MTMR12: variants seen among roughly 807,000 people sequenced by gnomAD.
MTMR12 encodes the protein myotubularin-related protein 12.
Under a neutral mutation model 96.7 loss-of-function variants are expected in MTMR12, and 33 were observed. That is an observed-to-expected ratio of 0.34 (90% CI 0.26 to 0.46). The LOEUF is 0.46. Ranked by LOEUF, MTMR12 falls within the 20% of genes least tolerant of loss-of-function variation. MTMR12 has a pLI of 1.00. For synonymous variants in MTMR12, 298 were observed against 327.2 expected (o/e 0.91, Z 0.96); for missense variants, 721 against 896.1 (o/e 0.80, Z 2.49).
chr5:32,298,591 T>C (rs1399455132), intron 1 of MTMR12, among the ~76,000 whole-genome samples: 1 of 152,064 alleles, frequency 6.6e-6, no homozygotes, highest in Non-Finnish European at 1.5e-5. Flanking sequence ...CCATGGTGGG[T>C]ATGGCAGTCC....
intron 13 of MTMR12, 120 bp from the exon 14 acceptor site, chr5:32,235,249 G>A: frequency 1.1e-6 from 1 of 871,214 alleles, no homozygotes; most frequent in Non-Finnish European, 1.7e-6. Context: ...CATTCTCTGG[G>A]AAACACAGAA....
At chr5:32,240,171 C>A (rs1428322910) in intron 12 of MTMR12, among the ~76,000 whole-genome samples, 1 of 152,016 alleles carries the variant, frequency 6.6e-6, no homozygotes, top group South Asian at 2.1e-4. Flanking sequence ...GAGGCCGAGG[C>A]GGGTGGATCA....
At chr5:32,309,714 A>G (rs1751501577) in intron 1 of MTMR12, 2 of 152,258 alleles carry the variant, frequency 1.3e-5, no homozygotes, top group Admixed American at 1.3e-4. Flanking sequence ...AGAGAAGATT[A>G]GCATGGCCCC....
rs370719213 is a variant in MTMR12, at chr5:32,270,781, G to A, written c.489+36C>T. Reference sequence around the variant, plus strand: ...CTAGAGCTAGTGGGGAAAACCTGATGGGAAATAAAACCTAAAAACACATGC... The same window carrying A: ...CTAGAGCTAGTGGGGAAAACCTGATAGGAAATAAAACCTAAAAACACATGC... On this transcript the variant is annotated intron_variant, in intron 5 of 15. Coordinates refer to ENST00000382142, the MANE Select transcript of MTMR12 (RefSeq NM_001040446.3). 32 of 1,569,112 alleles carry A rather than the reference G, an allele frequency of 2.0e-5. No homozygotes were observed. The African/African-American group carries it at 2.5e-4, about 12-fold the overall frequency.
chr5:32,272,710 C>T (rs995316913), intron 3 of MTMR12, among the ~76,000 whole-genome samples: 4 of 152,174 alleles, frequency 2.6e-5, no homozygotes, highest in African/African-American at 7.2e-5. Flanking sequence ...CCCTCCTAGG[C>T]AAACCCACCA....
At chr5:32,239,378 C>T (rs187416976) in intron 12 of MTMR12, among the ~76,000 whole-genome samples, 4 of 152,328 alleles carry the variant, frequency 2.6e-5, no homozygotes, top group Admixed American at 2.6e-4. Context: ...TCTAGCATGT[C>T]TAGTACAGGT....
intron 8 of MTMR12, among the ~76,000 whole-genome samples, chr5:32,251,198 G>C (rs1748908511): frequency 6.6e-6 from 1 of 151,378 alleles, no homozygotes; most frequent in Non-Finnish European, 1.5e-5. Context: ...TGGGACTACA[G>C]GCGCCCGCCA....
At chr5:32,311,176 A>G (rs2052562) in intron 1 of MTMR12, among the ~76,000 whole-genome samples, 57,809 of 152,006 alleles carry the variant, frequency 0.38, 11,100 homozygotes, top group East Asian at 0.51. Flanking sequence ...CATGTATCCC[A>G]TTAAATATAT....
chr5:32,285,013 C>T (rs896860242), intron 1 of MTMR12, among the ~76,000 whole-genome samples: 3 of 152,142 alleles, frequency 2.0e-5, no homozygotes, highest in Admixed American at 2.0e-4. Context: ...GATCACAGCA[C>T]GTCCAGGTTT....
intron 1 of MTMR12, among the ~76,000 whole-genome samples, chr5:32,303,821 C>G (rs1434581069): frequency 9.3e-6 from 1 of 107,324 alleles, no homozygotes; most frequent in Non-Finnish European, 1.7e-5. Flanking sequence ...TCAATGGCTA[C>G]AAACTCACTG....
chr5:32,233,459 CACACACACACACAA>C lies in MTMR12; in HGVS notation c.1674+300_1674+313del, dbSNP rs909737218. 2.0e-5 allele frequency among the ~76,000 whole-genome samples: 3 copies of C among 147,808 alleles called. No homozygotes were observed. Among genetic ancestry groups the C allele is most frequent in the East Asian group, 2.0e-4 (1 of 5,040 alleles). On this transcript the variant is annotated intron_variant, in intron 15 of 15. Coordinates refer to ENST00000382142, the MANE Select transcript of MTMR12 (RefSeq NM_001040446.3). This position sits in a 1 kb window ranked among gnomAD's most constrained non-coding sequence, Gnocchi z 5.0. ...CAATGTTCCTTTTACTCTACTAACA[CACACACACACACAA>C]ACACACACACACACACACACACACA... is the stretch of plus-strand genomic sequence containing the variant.
intron 1 of MTMR12, among the ~76,000 whole-genome samples, chr5:32,298,351 G>A (rs978465013): frequency 6.6e-6 from 1 of 152,180 alleles, no homozygotes; most frequent in African/African-American, 2.4e-5. Context: ...GGGAAAGAAG[G>A]GTGCTGTTGG....
At chr5:32,236,232 A>G (rs1005132920) in intron 13 of MTMR12, among the ~76,000 whole-genome samples, 1 of 152,174 alleles carries the variant, frequency 6.6e-6, no homozygotes, top group African/African-American at 2.4e-5. Context: ...GGTGCCTGCC[A>G]GTCCCCCTTT....
intron 13 of MTMR12, among the ~76,000 whole-genome samples, chr5:32,237,053 A>G (rs1251236758): frequency 6.6e-6 from 1 of 152,192 alleles, no homozygotes; most frequent in Admixed American, 6.5e-5. Context: ...CATCTTGCTC[A>G]GTGAGAGAGA....
intron 1 of MTMR12, among the ~76,000 whole-genome samples, chr5:32,299,100 C>T (rs1323053757): frequency 1.3e-5 from 2 of 152,060 alleles, no homozygotes; most frequent in Non-Finnish European, 2.9e-5. Context: ...CACACACACA[C>T]ATACCTGCAG....
chr5:32,245,523 C>T (rs1409181471), intron 10 of MTMR12, among the ~76,000 whole-genome samples: 1 of 151,840 alleles, frequency 6.6e-6, no homozygotes, highest in Admixed American at 6.6e-5. Flanking sequence ...AAGCGTTGGC[C>T]AACTTTCTTA....
intron 1 of MTMR12, among the ~76,000 whole-genome samples, chr5:32,279,556 T>C (rs965423341): frequency 3.9e-4 from 59 of 152,324 alleles, no homozygotes; most frequent in African/African-American, 1.1e-3. Context: ...GTAGCATCCA[T>C]TGCTTGTAAA....
At chr5:32,294,420 A>G (rs778783520) in intron 1 of MTMR12, among the ~76,000 whole-genome samples, 3 of 151,898 alleles carry the variant, frequency 2.0e-5, no homozygotes, top group Non-Finnish European at 4.4e-5. Flanking sequence ...CTCATTCCTC[A>G]GCCTCCTTAG....
At chr5:32,294,095 A>G (rs762138555) in intron 1 of MTMR12, among the ~76,000 whole-genome samples, 4 of 152,158 alleles carry the variant, frequency 2.6e-5, no homozygotes, top group Non-Finnish European at 5.9e-5. Flanking sequence ...CACTGCCTCC[A>G]ACTGGCCCCT....
Sources: gnomAD v4.1 joint callset for allele counts (sites outside exome capture counted in the v4.1 genomes callset) on GRCh38, gnomAD v4.1.1 for gene constraint, Gnocchi (gnomAD v3.1) non-coding constraint, MANE v1.5 for transcripts, NCBI Gene and HGNC (gene_info 2026-07-23, HGNC 2026-07-21) for gene names.